The following ELFN1 variants were observed in gnomAD, a reference collection of about 807,000 sequenced individuals.
ELFN1 encodes extracellular leucine rich repeat and fibronectin type III domain containing 1.
In ELFN1, 6 loss-of-function variants were observed where a neutral mutation model predicts 7.6. The ratio of observed to expected loss-of-function variants is 0.79; its 90% confidence interval spans 0.43 to 1.56. ELFN1 has a LOEUF of 1.56. Ranked by LOEUF, ELFN1 falls within the 40% of genes most tolerant of loss-of-function variation. The pLI is 0.01. For synonymous variants in ELFN1, 657 were observed against 588.1 expected (o/e 1.12, Z -1.70); for missense variants, 1,169 against 1,232.2 (o/e 0.95, Z 0.77).
At chr7:1,683,718 G>C (rs1430981089) in intron 1 of ELFN1, among the ~76,000 whole-genome samples, 2 of 151,966 alleles carry the variant, frequency 1.3e-5, no homozygotes, top group East Asian at 3.8e-4. Context: ...ATGTATTTTG[G>C]GACTTTGTTG....
chr7:1,675,564 AAC>A (rs1445022660), intron 1 of ELFN1, among the ~76,000 whole-genome samples: 4 of 152,140 alleles, frequency 2.6e-5, no homozygotes, highest in Non-Finnish European at 5.9e-5. Context: ...CACAGATACA[AAC>A]ACAGCCAGCC....
chr7:1,746,451 G>A lies in ELFN1; in HGVS notation c.1855G>A (p.Ala619Thr), dbSNP rs768448671. 10 of 1,527,398 alleles carry A rather than the reference G, an allele frequency of 6.5e-6. No homozygotes were observed. The highest frequency in any genetic ancestry group is 5.5e-5 in the African/African-American group (4 of 72,634). 94.6% of individuals were successfully genotyped at this position (1,527,398 alleles called of 1,614,324 possible). A position where few individuals can be genotyped will look rare whatever the true frequency, so the allele number is the denominator to read the frequency against. The change falls in exon 4 of 4, where the codon GCC (alanine) becomes ACC (threonine). Residue 619 changes from alanine to threonine, a missense_variant. Transcript: ENST00000424383. ...CTTCCTGGCGCCCGGGTACAAGGAC[G>A]CCTTCGGCCACAGCCTGCAGCGGCA... Reference protein sequence around the residue: ...HGFLAPGYKDAFGHSLQRHHS... With the variant: ...HGFLAPGYKDTFGHSLQRHHS...
chr7:1,701,473 T>C (rs970151765), intron 2 of ELFN1, among the ~76,000 whole-genome samples: 2 of 152,220 alleles, frequency 1.3e-5, no homozygotes, highest in African/African-American at 4.8e-5. Context: ...CAATATATTC[T>C]TGCATGAGTG....
chr7:1,707,208 G>A (rs996354787), intron 2 of ELFN1, among the ~76,000 whole-genome samples: 4 of 152,226 alleles, frequency 2.6e-5, no homozygotes, highest in Admixed American at 1.3e-4. Flanking sequence ...CGGTGGTTCC[G>A]TGATGTCTGG....
In ELFN1 at chr7:1,722,290, G is replaced by A. The variant is rs367661164; in HGVS notation, c.-294+13038G>A. 3.0e-3 allele frequency among the ~76,000 whole-genome samples: 413 copies of A among 136,328 alleles called. 2 individuals carry two copies. Among genetic ancestry groups the A allele is most frequent in the African/African-American group, 0.011 (394 of 36,348 alleles). The allele number at this position is 136,328 out of a possible 152,430, so 89.4% of individuals were successfully genotyped here. ...CTTTTTTTTTTTTTTTTTTTGAGAT[G>A]GAGTCTCACTCTGTCACCCAGGCTG... On this transcript the variant is annotated intron_variant, in intron 3 of 3. Transcript: ENST00000424383.
chr7:1,684,782 A>T (rs575624404), intron 1 of ELFN1, among the ~76,000 whole-genome samples: 30 of 152,252 alleles, frequency 2.0e-4, no homozygotes, highest in Admixed American at 9.8e-4. Context: ...ATTATCATAT[A>T]TTTCATTAAT....
chr7:1,704,189 G>C (rs559188825), intron 2 of ELFN1, among the ~76,000 whole-genome samples: 1 of 152,178 alleles, frequency 6.6e-6, no homozygotes. Flanking sequence ...GCCTGCAGCC[G>C]GGCATGGTGG....
At chr7:1,709,921 T>G (rs1179652152) in intron 3 of ELFN1, among the ~76,000 whole-genome samples, 1 of 152,228 alleles carries the variant, frequency 6.6e-6, no homozygotes, top group Non-Finnish European at 1.5e-5. Context: ...ATATGTCCTC[T>G]CTGGGCAACT....
At chr7:1,727,544 A>G (rs1165315929) in intron 3 of ELFN1, among the ~76,000 whole-genome samples, 1 of 152,118 alleles carries the variant, frequency 6.6e-6, no homozygotes, top group East Asian at 1.9e-4. Flanking sequence ...AGCCCCACTC[A>G]AGGGGCCTCC....
At chr7:1,689,606 A>G (rs1779119229) in intron 2 of ELFN1, among the ~76,000 whole-genome samples, 1 of 152,224 alleles carries the variant, frequency 6.6e-6, no homozygotes, top group African/African-American at 2.4e-5. Context: ...GGAATTGGTG[A>G]CAAGGGAAAA....
At chr7:1,685,360 G>A (rs1298156238) in intron 1 of ELFN1, among the ~76,000 whole-genome samples, 1 of 151,996 alleles carries the variant, frequency 6.6e-6, no homozygotes, top group Non-Finnish European at 1.5e-5. Context: ...CATCAAATTT[G>A]GGAAATTTTC....
At chr7:1,707,199 G>A (rs990619851) in intron 2 of ELFN1, among the ~76,000 whole-genome samples, 2 of 152,260 alleles carry the variant, frequency 1.3e-5, no homozygotes, top group South Asian at 4.1e-4. Flanking sequence ...ACAGTGACAC[G>A]GTGGTTCCGT....
rs2128607893 is a variant in ELFN1 at position 1,747,340 on chromosome 7, G to T, written c.*257G>T. The T allele has an allele frequency of 4.8e-6, 1 of 209,156 alleles. No homozygotes were observed. The highest frequency in any genetic ancestry group is 8.8e-6 in the Non-Finnish European group (1 of 113,292). 13.0% of individuals were successfully genotyped at this position (209,156 alleles called of 1,614,324 possible). ...CACACACACACACACACACACGAGG[G>T]ACTTCGGAAAACTGTGTCTTAGGGA... On this transcript the variant is annotated 3_prime_UTR_variant, in exon 4 of 4. Transcript: ENST00000424383.
intron 3 of ELFN1, among the ~76,000 whole-genome samples, chr7:1,737,143 C>T (rs1048952733): frequency 6.6e-6 from 1 of 152,170 alleles, no homozygotes; most frequent in African/African-American, 2.4e-5. Flanking sequence ...CCCTCCTTCC[C>T]TAACTCCTAC....
intron 3 of ELFN1, among the ~76,000 whole-genome samples, chr7:1,715,048 G>C (rs565792827): frequency 6.6e-6 from 1 of 152,306 alleles, no homozygotes; most frequent in Non-Finnish European, 1.5e-5. Flanking sequence ...AGAGGTGAAG[G>C]AGAAGGGAAT....
At chr7:1,678,238 C>T (rs562009033) in intron 1 of ELFN1, among the ~76,000 whole-genome samples, 8 of 152,290 alleles carry the variant, frequency 5.3e-5, no homozygotes, top group South Asian at 2.1e-4. Flanking sequence ...CACAGGTGCA[C>T]GCACACACAC....
Position 1,679,725 on chromosome 7 carries a change from A to G in ELFN1, c.-548-8333A>G, listed in dbSNP as rs149418927. Among the ~76,000 whole-genome samples, 867 of 152,290 alleles carry G rather than the reference A, an allele frequency of 5.7e-3. 13 individuals carry two copies. The highest frequency in any genetic ancestry group is 0.02 in the African/African-American group (846 of 41,566). On this transcript the variant is annotated intron_variant, in intron 1 of 3. Transcript: ENST00000424383. ...GGGGCGTTGGCACAGCCTGGATGCC[A>G]TGGTGCTCAGAATGAGGGTCCCTTC... is the stretch of plus-strand genomic sequence containing the variant.
At chr7:1,668,039 C>T (rs879944371), upstream of ELFN1, among the ~76,000 whole-genome samples, 1 of 152,280 alleles carries the variant, frequency 6.6e-6, no homozygotes, top group Non-Finnish European at 1.5e-5. Context: ...CGTCCCCTCC[C>T]CCAGCTCCAG....
chr7:1,667,127 GC>G (rs796999662), upstream of ELFN1, among the ~76,000 whole-genome samples: 92 of 148,316 alleles, frequency 6.2e-4, no homozygotes, highest in Middle Eastern at 3.4e-3. The surrounding 1 kb of genome is among the most constrained non-coding windows in gnomAD (Gnocchi z 8.2). Context: ...CGGGGTGTCG[GC>G]CCCCCCCCGA....
Sources: allele counts gnomAD v4.1 joint callset (sites outside exome capture counted in the v4.1 genomes callset), GRCh38; gene constraint gnomAD v4.1.1; non-coding constraint Gnocchi (gnomAD v3.1); transcripts MANE v1.5; gene names NCBI Gene and HGNC (gene_info 2026-07-23, HGNC 2026-07-21).